The following CENPP variants were observed in gnomAD, a reference collection of about 807,000 sequenced individuals.
The protein encoded by CENPP is centromere protein P.
In CENPP, 24 loss-of-function variants were observed where a neutral mutation model predicts 35.6. That is an observed-to-expected ratio of 0.67 (90% CI 0.49 to 0.95). The LOEUF is 0.95. CENPP is among the 40% of genes least tolerant of loss of function. The pLI, the probability that CENPP is intolerant of heterozygous loss-of-function variation, is 0.00. For synonymous variants in CENPP, 120 were observed against 125.5 expected, an observed-to-expected ratio of 0.96 and a Z score of 0.29; for missense variants, 332 against 345.3, an observed-to-expected ratio of 0.96 and a Z score of 0.31.
At chr9:92,489,538 C>A (rs779024410) in intron 5 of CENPP, among the ~76,000 whole-genome samples, 2 of 152,118 alleles carry the variant, frequency 1.3e-5, no homozygotes, top group African/African-American at 4.8e-5. Context: ...ACAATTTTCC[C>A]CCTTTTTAGG....
At chr9:92,480,754 G>C (rs775879948) in intron 5 of CENPP, among the ~76,000 whole-genome samples, 4 of 152,090 alleles carry the variant, frequency 2.6e-5, no homozygotes, top group Non-Finnish European at 5.9e-5. Context: ...ATGCCTATCA[G>C]TTCACAGGTA....
At chr9:92,379,505 G>A (rs1456051505) in intron 4 of CENPP, among the ~76,000 whole-genome samples, 1 of 152,170 alleles carries the variant, frequency 6.6e-6, no homozygotes, top group Non-Finnish European at 1.5e-5. Context: ...AAAATTTCAG[G>A]GAATGTGGCA....
chr9:92,387,035 G>C (rs899480734), intron 5 of CENPP, among the ~76,000 whole-genome samples: 2 of 139,888 alleles, frequency 1.4e-5, no homozygotes, highest in African/African-American at 5.3e-5. Flanking sequence ...GCAACAGAGC[G>C]AGACTCTGTC....
chr9:92,329,201 T>TG (rs1491363531), intron 1 of CENPP, among the ~76,000 whole-genome samples: 1 of 112,298 alleles, frequency 8.9e-6, no homozygotes, highest in Non-Finnish European at 1.8e-5. Flanking sequence ...TTTTTTTTTT[T>TG]GAGACGGAGT....
chr9:92,408,445 A>G (rs1257751993), intron 5 of CENPP, among the ~76,000 whole-genome samples: 6 of 152,020 alleles, frequency 3.9e-5, no homozygotes, highest in African/African-American at 1.4e-4. Context: ...CGGCCTCCCA[A>G]AGTACTGGGA....
At chr9:92,485,400 A>G (rs146196702) in intron 5 of CENPP, among the ~76,000 whole-genome samples, 315 of 152,380 alleles carry the variant, frequency 2.1e-3, no homozygotes, top group Middle Eastern at 0.01. Flanking sequence ...TTGCAAACAC[A>G]AAGATAAATT....
At chr9:92,578,793 T>A (rs1275390043) in intron 5 of CENPP, among the ~76,000 whole-genome samples, 3 of 152,068 alleles carry the variant, frequency 2.0e-5, no homozygotes, top group African/African-American at 7.2e-5. Context: ...GTGCAGAAGC[T>A]CTTTAGTTTA....
chr9:92,495,370 A>C, intron 5 of CENPP: 1 of 976,326 alleles, frequency 1.0e-6, no homozygotes, highest in Non-Finnish European at 1.2e-6. Flanking sequence ...TAGTAAAGAC[A>C]TAGCTTTATT....
intron 5 of CENPP, among the ~76,000 whole-genome samples, chr9:92,576,249 CAA>C (rs968440964): frequency 2.6e-5 from 4 of 152,028 alleles, no homozygotes; most frequent in Non-Finnish European, 5.9e-5. Context: ...TAGCCAGTCA[CAA>C]AAAGACAAAT....
At chr9:92,550,491 GAATT>G (rs1563999418) in intron 5 of CENPP, among the ~76,000 whole-genome samples, 1 of 151,828 alleles carries the variant, frequency 6.6e-6, no homozygotes, top group Non-Finnish European at 1.5e-5. Flanking sequence ...TTGTTTTTGA[GAATT>G]AAAATAAACT....
intron 5 of CENPP, among the ~76,000 whole-genome samples, chr9:92,588,060 A>T (rs1359430882): frequency 6.6e-6 from 1 of 151,966 alleles, no homozygotes; most frequent in Non-Finnish European, 1.5e-5. Context: ...GAATCACTTG[A>T]ACCCAGGAGG....
At chr9:92,553,550 T>A (rs1849659679) in intron 5 of CENPP, among the ~76,000 whole-genome samples, 1 of 152,220 alleles carries the variant, frequency 6.6e-6, no homozygotes, top group African/African-American at 2.4e-5. Flanking sequence ...ATGGGATGTG[T>A]TTCCATTTCT....
At chr9:92,526,650 A>G (rs972715691) in intron 5 of CENPP, among the ~76,000 whole-genome samples, 11 of 151,996 alleles carry the variant, frequency 7.2e-5, no homozygotes, top group Non-Finnish European at 1.0e-4. Flanking sequence ...GATTAAAAAA[A>G]TCAAGAAGCC....
chr9:92,444,958 C>A (rs1844514486), intron 5 of CENPP, among the ~76,000 whole-genome samples: 1 of 152,098 alleles, frequency 6.6e-6, no homozygotes, highest in Non-Finnish European at 1.5e-5. Flanking sequence ...GTGGTCCAGT[C>A]GGACCAGCCC....
At chr9:92,353,799 TG>T (rs1349513775) in intron 4 of CENPP, among the ~76,000 whole-genome samples, 1 of 152,012 alleles carries the variant, frequency 6.6e-6, no homozygotes, top group East Asian at 1.9e-4. Flanking sequence ...TGTTGGTGAG[TG>T]GTGCCACTTC....
At chr9:92,433,562 A>C in intron 5 of CENPP, among the ~76,000 whole-genome samples, 1 of 152,208 alleles carries the variant, frequency 6.6e-6, no homozygotes, top group Non-Finnish European at 1.5e-5. Flanking sequence ...TACATTTATA[A>C]AACATTATTA....
chr9:92,499,313 GC>G (rs1389522449), intron 5 of CENPP, among the ~76,000 whole-genome samples: 1 of 152,146 alleles, frequency 6.6e-6, no homozygotes, highest in African/African-American at 2.4e-5. Context: ...AAAGAACTGA[GC>G]TTTTTTCTTT....
chr9:92,524,263 C>T (rs1468385489), intron 5 of CENPP, among the ~76,000 whole-genome samples: 1 of 152,102 alleles, frequency 6.6e-6, no homozygotes, highest in African/African-American at 2.4e-5. Flanking sequence ...AGGTAAGAGT[C>T]AGGAAGAGTA....
At chr9:92,422,413 C>T (rs1843834725) in intron 5 of CENPP, among the ~76,000 whole-genome samples, 1 of 152,076 alleles carries the variant, frequency 6.6e-6, no homozygotes, top group South Asian at 2.1e-4. Context: ...CAGTTATCAA[C>T]CTTACATTTG....
Sources: allele counts gnomAD v4.1 joint callset (sites outside exome capture counted in the v4.1 genomes callset), GRCh38; gene constraint gnomAD v4.1.1; transcripts MANE v1.5; gene names NCBI Gene and HGNC (gene_info 2026-07-23, HGNC 2026-07-21).